PTPRQ: variants seen among roughly 807,000 people sequenced by gnomAD.
The protein encoded by PTPRQ is phosphatidylinositol phosphatase PTPRQ.
In PTPRQ, 199 loss-of-function variants were observed where a neutral mutation model predicts 246.0. That is an observed-to-expected ratio of 0.81 (90% confidence interval 0.72 to 0.91). PTPRQ has a LOEUF of 0.91. PTPRQ is among the 40% of genes least tolerant of loss of function. The pLI is 0.00. For missense variants in PTPRQ, 2,624 were observed against 2,528.4 expected (o/e 1.04, Z -0.81); for synonymous variants, 869 against 853.2 (o/e 1.02, Z -0.32).
chr12:80,466,485 T>G (rs1893419088), intron 6 of PTPRQ, among the ~76,000 whole-genome samples: 1 of 152,188 alleles, frequency 6.6e-6, no homozygotes, highest in Non-Finnish European at 1.5e-5. Flanking sequence ...ATGACTTTCT[T>G]CACAGAATTG....
intron 8 of PTPRQ, among the ~76,000 whole-genome samples, chr12:80,475,616 A>G (rs1386532233): frequency 6.6e-6 from 1 of 152,064 alleles, no homozygotes; most frequent in African/African-American, 2.4e-5. Context: ...GACAAGATAC[A>G]ATGCTGTTGA....
chr12:80,652,501 C>T (rs1900289592), intron 37 of PTPRQ, among the ~76,000 whole-genome samples: 1 of 151,964 alleles, frequency 6.6e-6, no homozygotes, highest in Non-Finnish European at 1.5e-5. Context: ...TAAGGCTTCC[C>T]AAAGTGCAAA....
chr12:80,471,406 G>T (rs1415234405), intron 7 of PTPRQ, among the ~76,000 whole-genome samples: 1 of 144,508 alleles, frequency 6.9e-6, no homozygotes, highest in Non-Finnish European at 1.5e-5. Context: ...AAGGAATTTT[G>T]TTCAGAAGCT....
intron 38 of PTPRQ, among the ~76,000 whole-genome samples, chr12:80,656,699 G>A (rs1900449908): frequency 6.6e-6 from 1 of 151,904 alleles, no homozygotes. Context: ...TTGAAAGAAA[G>A]AATAGGCAGA....
intron 42 of PTPRQ, among the ~76,000 whole-genome samples, chr12:80,671,518 T>C (rs1900969846): frequency 3.3e-5 from 5 of 152,130 alleles, no homozygotes; most frequent in Admixed American, 1.3e-4. Context: ...GTCTCCTCCT[T>C]TGTGATTTAA....
At chr12:80,622,193 T>A in intron 33 of PTPRQ, 59 bp downstream of exon 33, 1 of 1,198,962 alleles carries the variant, frequency 8.3e-7, no homozygotes, top group Non-Finnish European at 1.1e-6. Context: ...TTGGAACATT[T>A]ATTAGTAAAT....
intron 35 of PTPRQ, among the ~76,000 whole-genome samples, chr12:80,641,666 AC>A: frequency 6.6e-6 from 1 of 152,320 alleles, no homozygotes; most frequent in African/African-American, 2.4e-5. Flanking sequence ...TCAAAGTAAG[AC>A]ACTGTTAAAC....
chr12:80,573,229 C>T (rs538198501), intron 25 of PTPRQ, among the ~76,000 whole-genome samples: 1 of 152,174 alleles, frequency 6.6e-6, no homozygotes, highest in Non-Finnish European at 1.5e-5. Flanking sequence ...GTGGCTCACG[C>T]CTGTAATCCC....
intron 38 of PTPRQ, among the ~76,000 whole-genome samples, chr12:80,657,340 C>A (rs908979557): frequency 1.3e-5 from 2 of 151,586 alleles, no homozygotes; most frequent in Admixed American, 6.6e-5. Flanking sequence ...TTTAATAATA[C>A]CTTGTGATAA....
At position 80,460,725 on chromosome 12, in the gene PTPRQ, C is replaced by A; in HGVS notation, c.733C>A (p.Arg245Ser). Residue 245 changes from arginine to serine, a missense_variant, in exon 6 of 45, where the codon CGT (arginine) becomes AGT (serine). Physicochemically the swap from Arg to Ser is moderately radical, Grantham distance 110. Transcript: ENST00000644991. Reference sequence around the variant, plus strand: ...CCTTGGTAGAGTTACACCTCCATCGCGTACCACACATTCATCAAGCACGTT... The same window carrying A: ...CCTTGGTAGAGTTACACCTCCATCGAGTACCACACATTCATCAAGCACGTT... ...PTLGRVTPPS[R>S]TTHSSSTLTQ... 1 of 399,910 alleles carries A rather than the reference C, an allele frequency of 2.5e-6. No individual in the cohort carries two copies. 24.8% of individuals were successfully genotyped at this position (399,910 alleles called of 1,614,324 possible).
At chr12:80,618,949 A>C (rs1446706289) in intron 30 of PTPRQ, among the ~76,000 whole-genome samples, 1 of 151,626 alleles carries the variant, frequency 6.6e-6, no homozygotes, top group African/African-American at 2.4e-5. Context: ...GGATGCTATC[A>C]TCTAGATGTT....
chr12:80,630,482 G>A (rs1452839796), intron 33 of PTPRQ, among the ~76,000 whole-genome samples: 1 of 152,192 alleles, frequency 6.6e-6, no homozygotes, highest in Non-Finnish European at 1.5e-5. Context: ...AGGAAGTGTA[G>A]AATATCTGAT....
At position 80,535,027 on chromosome 12, in the gene PTPRQ, C is replaced by T. The variant is rs757097098; in HGVS notation, c.2975C>T (p.Thr992Ile). 4 of 1,527,232 alleles carry T rather than the reference C, an allele frequency of 2.6e-6. No individual in the cohort carries two copies. In the South Asian group the frequency reaches 5.2e-5, roughly 20 times the overall value. The allele number at this position is 1,527,232 out of a possible 1,614,324, so 94.6% of individuals were successfully genotyped here. ...YSVYYRNTSG[T>I]FMQNFTLHEV... ...GTTTATTACAGAAATACTTCAGGTA[C>T]TTTTATGCAGGTAAGAACTGAATTT... The change falls in exon 19 of 45, where the codon ACT (threonine) becomes ATT (isoleucine). Residue 992 changes from threonine (T) to isoleucine (I), a missense_variant. Transcript: ENST00000644991.
intron 14 of PTPRQ, among the ~76,000 whole-genome samples, chr12:80,502,962 T>C (rs775864128): frequency 3.3e-5 from 5 of 151,788 alleles, no homozygotes; most frequent in Non-Finnish European, 7.4e-5. Flanking sequence ...ATCAAAGTGA[T>C]AGCATCTTTA....
intron 26 of PTPRQ, among the ~76,000 whole-genome samples, chr12:80,603,526 G>T (rs1242237929): frequency 1.3e-5 from 2 of 151,350 alleles, no homozygotes; most frequent in African/African-American, 4.8e-5. Context: ...TTGGATTTAG[G>T]GATTCTGAAT....
intron 35 of PTPRQ, among the ~76,000 whole-genome samples, chr12:80,644,189 G>A (rs528334540): frequency 6.6e-6 from 1 of 152,156 alleles, no homozygotes; most frequent in Non-Finnish European, 1.5e-5. Flanking sequence ...TCCATCAAGA[G>A]TAATCTGAGT....
chr12:80,621,158 T>A (rs901807282), intron 32 of PTPRQ, among the ~76,000 whole-genome samples: 4 of 151,808 alleles, frequency 2.6e-5, no homozygotes. Context: ...TTGGAAAAAT[T>A]AGAGAAATTA....
chr12:80,510,177 T>C (rs985306948), intron 16 of PTPRQ, 146 bp from the exon 17 acceptor site: 2 of 810,742 alleles, frequency 2.5e-6, no homozygotes, highest in African/African-American at 1.8e-5. Flanking sequence ...ATTTTGAAAG[T>C]AAACAGTCTC....
At chr12:80,540,720 G>T (rs1896126029) in intron 20 of PTPRQ, among the ~76,000 whole-genome samples, 2 of 151,888 alleles carry the variant, frequency 1.3e-5, no homozygotes, top group Non-Finnish European at 1.5e-5. Context: ...TTGACAAGTT[G>T]GTCAACATAA....
Sources: allele counts gnomAD v4.1 joint callset (sites outside exome capture counted in the v4.1 genomes callset), GRCh38; gene constraint gnomAD v4.1.1; transcripts MANE v1.5; gene names NCBI Gene and HGNC (gene_info 2026-07-23, HGNC 2026-07-21).